The following PRELID2 variants were observed in gnomAD, a reference collection of about 807,000 sequenced individuals.
The protein encoded by PRELID2 is PRELI domain-containing protein 2.
In PRELID2, 25 loss-of-function variants were observed where a neutral mutation model predicts 28.4. The ratio of observed to expected loss-of-function variants is 0.88; its 90% CI spans 0.64 to 1.23. The LOEUF (loss-of-function observed/expected upper bound fraction) is 1.23, where lower values mean the gene tolerates loss of function less well. Ranked by LOEUF, PRELID2 falls within the 50% of genes most tolerant of loss-of-function variation. The pLI is 0.00. For missense variants in PRELID2, 201 were observed against 214.4 expected (o/e 0.94, Z 0.39); for synonymous variants, 76 against 71.6 (o/e 1.06, Z -0.31).
At chr5:145,253,994 T>C in the PRELID2 span, among the ~76,000 whole-genome samples, 2 of 152,058 alleles carry the variant, frequency 1.3e-5, no homozygotes, top group African/African-American at 4.8e-5. Context: ...ATGATTATTG[T>C]AAGGATTCAC....
the PRELID2 span, among the ~76,000 whole-genome samples, chr5:145,257,441 G>T: frequency 1.3e-5 from 2 of 152,036 alleles, no homozygotes; most frequent in East Asian, 1.9e-4. Flanking sequence ...TATGCAAAAA[G>T]CAGGCATGAA....
At chr5:145,696,189 T>C (rs1394868753) in intron 1 of PRELID2, among the ~76,000 whole-genome samples, 6 of 147,698 alleles carry the variant, frequency 4.1e-5, no homozygotes, top group Non-Finnish European at 3.0e-5. Flanking sequence ...TTTACCAGTG[T>C]TGCTCATAAA....
chr5:145,802,380 G>A (rs889838489), intron 4 of PRELID2, among the ~76,000 whole-genome samples: 4 of 152,118 alleles, frequency 2.6e-5, no homozygotes, highest in Non-Finnish European at 5.9e-5. Flanking sequence ...TTTTCTAAAT[G>A]GTTGTATCTA....
the PRELID2 span, among the ~76,000 whole-genome samples, chr5:145,258,134 C>T: frequency 6.6e-6 from 1 of 152,168 alleles, no homozygotes; most frequent in African/African-American, 2.4e-5. Flanking sequence ...GTACAGCCTG[C>T]AGAACCATGA....
At chr5:145,381,380 T>C in the PRELID2 span, among the ~76,000 whole-genome samples, 1 of 152,158 alleles carries the variant, frequency 6.6e-6, no homozygotes, top group East Asian at 1.9e-4. Flanking sequence ...AAAATCTACA[T>C]ATTGGGTTGG....
intron 1 of PRELID2, among the ~76,000 whole-genome samples, chr5:145,692,416 G>T (rs2149696613): frequency 6.6e-6 from 1 of 152,072 alleles, no homozygotes; most frequent in Middle Eastern, 3.4e-3. Context: ...GTGTAACCCT[G>T]CTGTGTGTTT....
At chr5:145,549,524 A>G (rs1011033627) in intron 1 of PRELID2, among the ~76,000 whole-genome samples, 1 of 152,176 alleles carries the variant, frequency 6.6e-6, no homozygotes, top group Non-Finnish European at 1.5e-5. Context: ...CACGCCTCAC[A>G]AAGTGCTGTA....
intron 1 of PRELID2, among the ~76,000 whole-genome samples, chr5:145,656,945 T>C (rs899050269): frequency 1.3e-5 from 2 of 152,172 alleles, no homozygotes; most frequent in African/African-American, 4.8e-5. Context: ...TCTCTGTTCT[T>C]AGTCTCCTTA....
chr5:145,750,442 C>T (rs1757096236), intron 1 of PRELID2, among the ~76,000 whole-genome samples: 1 of 152,058 alleles, frequency 6.6e-6, no homozygotes, highest in South Asian at 2.1e-4. Context: ...TTATTCTCAC[C>T]CACCACATTA....
chr5:145,590,549 C>A (rs1475193271), intron 1 of PRELID2, among the ~76,000 whole-genome samples: 1 of 152,098 alleles, frequency 6.6e-6, no homozygotes, highest in African/African-American at 2.4e-5. Context: ...GGCAGATAAC[C>A]AACAATCATC....
chr5:145,617,649 C>T (rs750535287), intron 1 of PRELID2, among the ~76,000 whole-genome samples: 1 of 151,882 alleles, frequency 6.6e-6, no homozygotes, highest in Non-Finnish European at 1.5e-5. Flanking sequence ...TTAATTCTAT[C>T]GATGAGATTT....
At chr5:145,469,612 G>A (rs772508651), downstream of PRELID2, among the ~76,000 whole-genome samples, 4 of 151,972 alleles carry the variant, frequency 2.6e-5, no homozygotes, top group Non-Finnish European at 4.4e-5. Context: ...AAAAGGCAGC[G>A]ACACCGAACT....
the PRELID2 span, among the ~76,000 whole-genome samples, chr5:145,286,957 G>A: frequency 4.6e-5 from 7 of 152,030 alleles, no homozygotes; most frequent in South Asian, 2.1e-4. Flanking sequence ...TGATCTGCCC[G>A]CCTCAGCCTC....
intron 1 of PRELID2, among the ~76,000 whole-genome samples, chr5:145,558,993 G>A (rs986042956): frequency 4.6e-5 from 7 of 152,252 alleles, no homozygotes; most frequent in East Asian, 1.9e-4. Context: ...AGTGGCTCAC[G>A]CCTGTAATCC....
At chr5:145,476,086 T>C (rs1205530790) in intron 1 of PRELID2, among the ~76,000 whole-genome samples, 1 of 152,204 alleles carries the variant, frequency 6.6e-6, no homozygotes, top group Non-Finnish European at 1.5e-5. Context: ...GGTTAAAATA[T>C]AAATTAAGGA....
the PRELID2 span, among the ~76,000 whole-genome samples, chr5:145,318,976 G>A: frequency 5.5e-3 from 841 of 152,214 alleles, 11 homozygotes; most frequent in African/African-American, 0.02. Context: ...CCTGGAGTTT[G>A]GCGGTCCCAC....
At chr5:145,631,600 G>C (rs1753933541) in intron 1 of PRELID2, among the ~76,000 whole-genome samples, 1 of 152,072 alleles carries the variant, frequency 6.6e-6, no homozygotes, top group Non-Finnish European at 1.5e-5. Flanking sequence ...CAAGGGGTTT[G>C]GACTGTTTTA....
At chr5:145,587,171 C>T (rs1753165128) in intron 1 of PRELID2, among the ~76,000 whole-genome samples, 1 of 152,100 alleles carries the variant, frequency 6.6e-6, no homozygotes, top group South Asian at 2.1e-4. Flanking sequence ...TAGATCAAGC[C>T]TTATCACCAT....
intron 1 of PRELID2, among the ~76,000 whole-genome samples, chr5:145,512,978 G>A (rs1039492570): frequency 2.6e-5 from 4 of 152,012 alleles, no homozygotes; most frequent in South Asian, 4.2e-4. Flanking sequence ...AACCCCATCC[G>A]AAGGTCACCA....
Sources: gnomAD v4.1 joint callset for allele counts (sites outside exome capture counted in the v4.1 genomes callset) on GRCh38, gnomAD v4.1.1 for gene constraint, MANE v1.5 for transcripts, NCBI Gene and HGNC (gene_info 2026-07-23, HGNC 2026-07-21) for gene names.